Variants in OR2T2 observed in about 807,000 individuals in gnomAD.
The protein encoded by OR2T2 is olfactory receptor family 2 subfamily T member 2, also known as olfactory receptor 2T2.
For missense variants in OR2T2, 138 were observed against 409.1 expected (o/e 0.34, Z 5.72); for synonymous variants, 50 against 162.7 (o/e 0.31, Z 5.27).
At chr1:248,448,484 TGA>T (rs1455155314) in intron 2 of OR2T2, among the ~76,000 whole-genome samples, 3 of 25,896 alleles carry the variant, frequency 1.2e-4, no homozygotes, top group South Asian at 1.2e-3. Context: ...GTGGGGGTCT[TGA>T]AAACTGTCTC....
intron 1 of OR2T2, among the ~76,000 whole-genome samples, chr1:248,445,874 G>A (rs28581996): frequency 6.6e-6 from 1 of 150,698 alleles, no homozygotes; most frequent in African/African-American, 2.5e-5. Context: ...AGGGCATTTA[G>A]CATGAAACGT....
rs1223013574 is a variant in OR2T2, at chr1:248,454,054, A to G, written c.*282A>G. 18 of 348,942 alleles carry G rather than the reference A, an allele frequency of 5.2e-5. No individual in the cohort carries two copies. In the African/African-American group the frequency reaches 7.3e-4, roughly 14 times the overall value. The allele number at this position is 348,942 out of a possible 1,614,324, so 21.6% of individuals were successfully genotyped here. A position where few individuals can be genotyped will look rare whatever the true frequency, so the allele number is the denominator to read the frequency against. On this transcript the variant is annotated 3_prime_UTR_variant, in exon 3 of 3. Coordinates refer to ENST00000642130, the Ensembl canonical transcript of OR2T2. ...GTTGGTGAGCATCTCCGCATTAGTCAACTTTGTTCAACTGGATTCACAAAC... is the reference window on the plus strand; with the variant it reads ...GTTGGTGAGCATCTCCGCATTAGTCGACTTTGTTCAACTGGATTCACAAAC...
chr1:248,453,827 A>G (rs1376425514), exon 3 of OR2T2: 2 of 1,428,536 alleles, frequency 1.4e-6, no homozygotes, highest in Non-Finnish European at 1.9e-6. Context: ...ATTAGCGGGG[A>G]CTCCCAGAGC....
At chr1:248,447,647 G>T (rs566469826) in intron 2 of OR2T2, among the ~76,000 whole-genome samples, 2 of 151,312 alleles carry the variant, frequency 1.3e-5, no homozygotes, top group African/African-American at 2.4e-5. Context: ...GAATCAGACC[G>T]GTTTCCCTCT....
chr1:248,447,695 TCTC>T (rs1275390941), intron 2 of OR2T2, among the ~76,000 whole-genome samples: 2 of 151,976 alleles, frequency 1.3e-5, no homozygotes, highest in Admixed American at 6.6e-5. Flanking sequence ...ACTCCTGTCT[TCTC>T]CTGGTTCTTG....
Position 248,446,515 on chromosome 1 carries a change from C to T in OR2T2, c.-245-74C>T, listed in dbSNP as rs954665939. On this transcript the variant is annotated intron_variant, in intron 1 of 2. Transcript: ENST00000642130. ...ATTAGTAGGGTGGACTAGATGGGCT[C>T]GCCTCGCCTCACCTCGCCTCTGCTG... 8.6e-4 allele frequency: 118 copies of T among 137,412 alleles called. 1 individual carries two copies. Among genetic ancestry groups the T allele is most frequent in the Non-Finnish European group, 2.7e-4 (17 of 63,608 alleles). 8.5% of individuals were successfully genotyped at this position (137,412 alleles called of 1,614,324 possible).
At chr1:248,450,360 T>TTTTTTTTTA (rs1212151535) in intron 2 of OR2T2, among the ~76,000 whole-genome samples, 2 of 140,934 alleles carry the variant, frequency 1.4e-5, no homozygotes, top group African/African-American at 6.0e-5. Flanking sequence ...TTTTTTTTTT[T>TTTTTTTTTA]AACACGGTCT....
rs200594110 is a variant in OR2T2, at chr1:248,446,164, A to ATT, written c.-245-415_-245-414dup. 3.1e-4 allele frequency among the ~76,000 whole-genome samples: 43 copies of ATT among 139,146 alleles called. No individual in the cohort carries two copies. In the South Asian group the frequency reaches 6.2e-3, roughly 20 times the overall value. The allele number at this position is 139,146 out of a possible 152,430, so 91.3% of individuals were successfully genotyped here. On this transcript the variant is annotated intron_variant, in intron 1 of 2. Coordinates refer to ENST00000642130, the Ensembl canonical transcript of OR2T2. ...ACTTCATGCTTGGAGGGAAATCATG[A>ATT]TTTTTTTTTTTCATTTTAACCTCCT...
Position 248,449,835 on chromosome 1 carries a change from T to C in OR2T2, c.-22-2941T>C, listed in dbSNP as rs1191793142. ...CTTTTTCTTTTTCTTTTTCTTTTTT[T>C]TTTTTTTTGGAAAGACTAGTTGATG... On this transcript the variant is annotated intron_variant, in intron 2 of 2. Transcript: ENST00000642130. 6.1e-4 allele frequency among the ~76,000 whole-genome samples: 83 copies of C among 134,964 alleles called. 3 individuals are homozygous for C. The highest frequency in any genetic ancestry group is 2.5e-3 in the African/African-American group (71 of 28,960). 88.5% of individuals were successfully genotyped at this position (134,964 alleles called of 152,430 possible). A position where few individuals can be genotyped will look rare whatever the true frequency, so the allele number is the denominator to read the frequency against.
exon 3 of OR2T2, chr1:248,455,246 T>TAAG (rs1662908851): frequency 8.5e-6 from 1 of 118,254 alleles, no homozygotes; most frequent in Admixed American, 8.9e-5. Context: ...TGACAAAGAC[T>TAAG]AAGCAAAGGT....
intron 2 of OR2T2, among the ~76,000 whole-genome samples, chr1:248,450,069 T>C (rs1223840799): frequency 2.7e-5 from 4 of 149,400 alleles, no homozygotes; most frequent in Admixed American, 2.6e-4. Context: ...ATAATGCAGA[T>C]ATTTTCCCTG....
chr1:248,452,592 T>C (rs1378940175), intron 2 of OR2T2, among the ~76,000 whole-genome samples, 184 bp from the exon 4 acceptor site: 1 of 132,278 alleles, frequency 7.6e-6, no homozygotes, highest in Non-Finnish European at 1.5e-5. Context: ...GATGATGAAA[T>C]TGAGTTGAGA....
At chr1:248,448,135 G>C (rs1273412855) in intron 2 of OR2T2, among the ~76,000 whole-genome samples, 2 of 151,520 alleles carry the variant, frequency 1.3e-5, no homozygotes, top group African/African-American at 4.9e-5. Flanking sequence ...TGGCGATTTA[G>C]ATGTGCCAAA....
chr1:248,450,926 AC>A (rs1368825819), intron 2 of OR2T2, among the ~76,000 whole-genome samples: 2 of 117,062 alleles, frequency 1.7e-5, no homozygotes, highest in African/African-American at 7.5e-5. Flanking sequence ...AAAGTAGCTG[AC>A]TTTTATCACG....
intron 2 of OR2T2, among the ~76,000 whole-genome samples, chr1:248,450,652 A>G (rs1328298105): frequency 6.6e-6 from 1 of 151,762 alleles, no homozygotes; most frequent in African/African-American, 2.4e-5. Context: ...TGCCTATTTC[A>G]GTTCCTCAAA....
exon 3 of OR2T2, chr1:248,455,067 G>A (rs1662904204): frequency 6.6e-6 from 1 of 151,616 alleles, no homozygotes; most frequent in Non-Finnish European, 1.5e-5. Context: ...TAACTTTGGT[G>A]GAATACTAAC....
intron 2 of OR2T2, among the ~76,000 whole-genome samples, chr1:248,449,672 TTA>T (rs1662745437): frequency 7.7e-6 from 1 of 130,428 alleles, no homozygotes; most frequent in Non-Finnish European, 1.5e-5. Flanking sequence ...TGCCAGATGA[TTA>T]TGTTGCAACA....
At chr1:248,453,078 C>T (rs1431425376) in exon 3 of OR2T2, 2 of 1,612,986 alleles carry the variant, frequency 1.2e-6, no homozygotes, top group Non-Finnish European at 1.7e-6. Context: ...AAGACCATTT[C>T]CTTCCTGGGC....
At chr1:248,453,561 C>T in exon 3 of OR2T2, 2 of 1,554,674 alleles carry the variant, frequency 1.3e-6, no homozygotes, top group Non-Finnish European at 1.8e-6. Flanking sequence ...TTCTACGGGG[C>T]AGCCTTCTAC....
Sources: gnomAD v4.1 joint callset for allele counts (sites outside exome capture counted in the v4.1 genomes callset) on GRCh38, gnomAD v4.1.1 for gene constraint, MANE v1.5 for transcripts, NCBI Gene and HGNC (gene_info 2026-07-23, HGNC 2026-07-21) for gene names.